Variants in RBFOX1 observed in about 807,000 individuals in gnomAD.
RBFOX1 encodes RNA binding protein fox-1 homolog 1.
In RBFOX1, 8 loss-of-function variants were observed where a neutral mutation model predicts 57.7. That is an observed-to-expected ratio of 0.14 (90% CI 0.08 to 0.25). RBFOX1 has a LOEUF of 0.25. RBFOX1 is among the 10% of genes least tolerant of loss of function. The probability of loss-of-function intolerance (pLI) is 1.00; values close to 1 mark genes in which losing one functional copy is unlikely to be tolerated. For missense variants in RBFOX1, 611 were observed against 548.5 expected (o/e 1.11, Z -1.14); for synonymous variants, 326 against 222.4 (o/e 1.47, Z -4.15).
chr16:7,010,184 G>T (rs1010921009), intron 3 of RBFOX1, among the ~76,000 whole-genome samples: 3 of 152,168 alleles, frequency 2.0e-5, no homozygotes, highest in Non-Finnish European at 4.4e-5. Context: ...ATACTATGAG[G>T]GTCCCTTATA....
At chr16:6,498,714 A>G (rs972547363) in intron 2 of RBFOX1, among the ~76,000 whole-genome samples, 15 of 152,242 alleles carry the variant, frequency 9.9e-5, no homozygotes, top group Non-Finnish European at 1.8e-4. Flanking sequence ...AGTATTTACA[A>G]TGTATTAAGT....
chr16:5,731,084 C>T (rs1414340131), intron 3 of RBFOX1, among the ~76,000 whole-genome samples: 3 of 152,184 alleles, frequency 2.0e-5, no homozygotes, highest in African/African-American at 7.2e-5. Flanking sequence ...TCACCATCAC[C>T]ATCAACATCA....
chr16:6,390,693 C>T (rs893270125), intron 2 of RBFOX1, among the ~76,000 whole-genome samples: 1 of 152,114 alleles, frequency 6.6e-6, no homozygotes, highest in African/African-American at 2.4e-5. Flanking sequence ...ATGACTTTTA[C>T]AAAGAGACTA....
At chr16:5,714,626 A>T (rs1046787152) in intron 3 of RBFOX1, among the ~76,000 whole-genome samples, 2 of 152,238 alleles carry the variant, frequency 1.3e-5, no homozygotes, top group African/African-American at 4.8e-5. Flanking sequence ...GGTAACAGAT[A>T]CAAGAAAGAT....
At chr16:6,703,413 A>T (rs1352461437) in intron 3 of RBFOX1, among the ~76,000 whole-genome samples, 2 of 151,970 alleles carry the variant, frequency 1.3e-5, no homozygotes, top group Non-Finnish European at 2.9e-5. Context: ...ATCTCTACAG[A>T]AAATATAAAA....
intron 3 of RBFOX1, among the ~76,000 whole-genome samples, chr16:7,046,997 A>T (rs545969193): frequency 6.6e-6 from 1 of 151,236 alleles, no homozygotes; most frequent in African/African-American, 2.4e-5. Flanking sequence ...TTAAGCCATT[A>T]AACATATTTT....
intron 2 of RBFOX1, among the ~76,000 whole-genome samples, chr16:6,408,628 C>T (rs1472563970): frequency 1.3e-5 from 2 of 152,072 alleles, no homozygotes; most frequent in Non-Finnish European, 2.9e-5. Context: ...GCAACAAGGC[C>T]AGTTTCTCTC....
At chr16:6,482,665 A>G (rs1207017303) in intron 2 of RBFOX1, among the ~76,000 whole-genome samples, 1 of 152,146 alleles carries the variant, frequency 6.6e-6, no homozygotes, top group African/African-American at 2.4e-5. Flanking sequence ...AAGAGTTGAG[A>G]TCCTAAAGCT....
chr16:6,803,867 C>T (rs1015673607), intron 3 of RBFOX1, among the ~76,000 whole-genome samples: 3 of 152,056 alleles, frequency 2.0e-5, no homozygotes, highest in African/African-American at 4.8e-5. Context: ...AATAAAAAAC[C>T]ATGCTGTAAG....
intron 14 of RBFOX1, among the ~76,000 whole-genome samples, chr16:7,680,399 C>G (rs899482138): frequency 2.6e-5 from 4 of 152,106 alleles, no homozygotes; most frequent in African/African-American, 9.7e-5. Flanking sequence ...TCATGCTTGT[C>G]CTGCTTGCTA....
intron 4 of RBFOX1, among the ~76,000 whole-genome samples, chr16:7,306,912 T>TA (rs1405235885): frequency 6.6e-6 from 1 of 152,238 alleles, no homozygotes; most frequent in Non-Finnish European, 1.5e-5. Flanking sequence ...CTATATTTTT[T>TA]ATCTGCCTTT....
chr16:6,754,405 A>G (rs1222308855), intron 3 of RBFOX1, among the ~76,000 whole-genome samples: 5 of 152,218 alleles, frequency 3.3e-5, no homozygotes, highest in Non-Finnish European at 5.9e-5. Context: ...CATCTTGGGA[A>G]TTATATTTCA....
intron 2 of RBFOX1, among the ~76,000 whole-genome samples, chr16:6,593,427 A>G (rs528051458): frequency 4.6e-5 from 7 of 152,292 alleles, no homozygotes; most frequent in African/African-American, 1.4e-4. Context: ...TGATGCCCCA[A>G]GAGGAAATAT....
intron 3 of RBFOX1, among the ~76,000 whole-genome samples, chr16:5,789,175 C>G (rs554115804): frequency 6.6e-6 from 1 of 152,176 alleles, no homozygotes; most frequent in African/African-American, 2.4e-5. Context: ...AAATACATGG[C>G]AGCTGGTGAA....
intron 4 of RBFOX1, among the ~76,000 whole-genome samples, chr16:5,991,387 C>T (rs867703052): frequency 6.6e-6 from 1 of 152,118 alleles, no homozygotes; most frequent in Non-Finnish European, 1.5e-5. Context: ...AGTAGAGCGC[C>T]GTGGGCTGTG....
At chr16:5,348,200 G>A (rs1175555653) in intron 1 of RBFOX1, among the ~76,000 whole-genome samples, 3 of 147,586 alleles carry the variant, frequency 2.0e-5, no homozygotes, top group East Asian at 4.1e-4. Flanking sequence ...TCTTCCACCC[G>A]CCCACTCACC....
rs1432782806 is a variant in RBFOX1 at position 5,288,621 on chromosome 16, C to T, written c.219+48516C>T. On this transcript the variant is annotated intron_variant, in intron 1 of 2. Transcript: ENST00000585867. ...GATATGGCAGCCCCACATCTTGTTT[C>T]CTTTCCTTTTCTTTTTTTTTTTAAC... Among the ~76,000 whole-genome samples the T allele has an allele frequency of 2.7e-4, 16 of 60,210 alleles. No individual in the cohort carries two copies. The South Asian group carries it at 0.015, about 55-fold the overall frequency. The allele number at this position is 60,210 out of a possible 152,430, so 39.5% of individuals were successfully genotyped here.
At chr16:6,483,822 T>G (rs1298280351) in intron 2 of RBFOX1, 1 of 1,339,964 alleles carries the variant, frequency 7.5e-7, no homozygotes, top group African/African-American at 1.5e-5. Context: ...GGCTGCTGAT[T>G]AGAATAGGGG....
chr16:5,961,967 A>C (rs2059758753), intron 4 of RBFOX1, among the ~76,000 whole-genome samples: 1 of 152,340 alleles, frequency 6.6e-6, no homozygotes, highest in East Asian at 1.9e-4. Flanking sequence ...GGCTTTGATT[A>C]GTGTGGTAGC....
Sources: gnomAD v4.1 joint callset for allele counts (sites outside exome capture counted in the v4.1 genomes callset) on GRCh38, gnomAD v4.1.1 for gene constraint, MANE v1.5 for transcripts, NCBI Gene and HGNC (gene_info 2026-07-23, HGNC 2026-07-21) for gene names.